Variants in RNF144A observed in about 807,000 individuals in gnomAD.
The protein encoded by RNF144A is ring finger protein 144A.
Under a neutral mutation model 38.7 loss-of-function variants are expected in RNF144A, and 11 were observed. The ratio of observed to expected loss-of-function variants is 0.28; its 90% CI spans 0.18 to 0.47. RNF144A has a LOEUF of 0.47. Ranked by LOEUF, RNF144A falls within the 20% of genes least tolerant of loss-of-function variation. RNF144A has a pLI of 0.99. For missense variants in RNF144A, 316 were observed against 377.2 expected (o/e 0.84, Z 1.34); for synonymous variants, 149 against 143.9 (o/e 1.04, Z -0.25).
At chr2:6,983,821 A>G (rs755625974) in intron 2 of RNF144A, among the ~76,000 whole-genome samples, 5 of 152,114 alleles carry the variant, frequency 3.3e-5, no homozygotes, top group Admixed American at 6.5e-5. Context: ...TCCTCCCCAG[A>G]TGTCTCAGAT....
At chr2:7,029,229 C>A (rs961728705) in intron 7 of RNF144A, among the ~76,000 whole-genome samples, 3 of 152,250 alleles carry the variant, frequency 2.0e-5, no homozygotes, top group Non-Finnish European at 4.4e-5. Flanking sequence ...CTCCGTGGCA[C>A]CATGTGCCTC....
chr2:7,025,603 C>T (rs377404125), intron 7 of RNF144A, among the ~76,000 whole-genome samples: 2 of 152,036 alleles, frequency 1.3e-5, no homozygotes, highest in Admixed American at 6.6e-5. Context: ...ACCTGGGAGG[C>T]GCAGGTTGCA....
At chr2:6,982,332 C>A (rs1306790875) in intron 2 of RNF144A, among the ~76,000 whole-genome samples, 1 of 152,090 alleles carries the variant, frequency 6.6e-6, no homozygotes, top group Non-Finnish European at 1.5e-5. Context: ...TACATGGGGA[C>A]TTCTTTATTT....
At chr2:6,970,366 C>T (rs771828611) in intron 2 of RNF144A, among the ~76,000 whole-genome samples, 29 of 152,292 alleles carry the variant, frequency 1.9e-4, no homozygotes, top group Non-Finnish European at 4.1e-4. Flanking sequence ...CTGCCATCCA[C>T]GTACAATGTG....
chr2:7,036,127 G>A (rs1293163187), intron 8 of RNF144A, among the ~76,000 whole-genome samples: 2 of 152,198 alleles, frequency 1.3e-5, no homozygotes, highest in Non-Finnish European at 2.9e-5. Flanking sequence ...CTGTGCACAC[G>A]ATTGCATGAA....
chr2:6,932,227 CT>C (rs1265400566), intron 1 of RNF144A, among the ~76,000 whole-genome samples: 1 of 152,152 alleles, frequency 6.6e-6, no homozygotes, highest in African/African-American at 2.4e-5. Context: ...ATTAACATAG[CT>C]AGTCCAGCTT....
chr2:7,051,175 G>A (rs1289747124), intron 6 of RNF144A, among the ~76,000 whole-genome samples: 1 of 152,166 alleles, frequency 6.6e-6, no homozygotes, highest in African/African-American at 2.4e-5. Flanking sequence ...TTGGGGTCGG[G>A]GATGGAGAGA....
intron 1 of RNF144A, among the ~76,000 whole-genome samples, chr2:6,924,005 A>G (rs1036007539): frequency 6.6e-6 from 1 of 152,242 alleles, no homozygotes; most frequent in African/African-American, 2.4e-5. Context: ...AACCTGGTTC[A>G]AGAGGGAAGC....
the RNF144A span, among the ~76,000 whole-genome samples, chr2:7,073,786 C>T: frequency 6.6e-6 from 1 of 152,208 alleles, no homozygotes; most frequent in Non-Finnish European, 1.5e-5. Context: ...ATAAATTGGT[C>T]CTTGTAGGGT....
Position 6,926,892 on chromosome 2 carries a change from A to C in RNF144A, c.-212+9270A>C, listed in dbSNP as rs546216573. Among the ~76,000 whole-genome samples, 24 of 152,288 alleles carry C rather than the reference A, an allele frequency of 1.6e-4. No homozygotes were observed. In the South Asian group the frequency reaches 4.8e-3, roughly 30 times the overall value. On this transcript the variant is annotated intron_variant, in intron 1 of 8. Transcript: ENST00000320892. ...GGGATTCAAAGACACATTGAGGACT[A>C]TATAGTGAAGGTGAGGACTTGCAGA... is the stretch of plus-strand genomic sequence containing the variant.
At chr2:7,048,571 G>A (rs1673400251), downstream of RNF144A, among the ~76,000 whole-genome samples, 1 of 152,208 alleles carries the variant, frequency 6.6e-6, no homozygotes, top group Non-Finnish European at 1.5e-5. Flanking sequence ...TGGGCCAACA[G>A]TGCTCAGAGG....
intron 3 of RNF144A, among the ~76,000 whole-genome samples, chr2:7,011,863 T>C (rs1309741809): frequency 6.6e-6 from 1 of 152,200 alleles, no homozygotes; most frequent in Non-Finnish European, 1.5e-5. Flanking sequence ...TCTCTCTTTA[T>C]GTAGTGAACA....
At position 7,043,601 on chromosome 2, in the gene RNF144A, T is replaced by C. The variant is rs1011221265; in HGVS notation, c.*3841T>C. The C allele has an allele frequency of 1.2e-5, 12 of 985,598 alleles. No homozygotes were observed. The African/African-American group carries it at 2.1e-4, about 17-fold the overall frequency. 61.1% of individuals were successfully genotyped at this position (985,598 alleles called of 1,614,324 possible). A position where few individuals can be genotyped will look rare whatever the true frequency, so the allele number is the denominator to read the frequency against. ...TAAGCCCTTATGAAAATAAACAAAATGAAGGGATTATGACAGGTATTACCA... is the reference window on the plus strand; with the variant it reads ...TAAGCCCTTATGAAAATAAACAAAACGAAGGGATTATGACAGGTATTACCA... On this transcript the variant is annotated 3_prime_UTR_variant, in exon 9 of 9. Coordinates refer to ENST00000320892, the MANE Select transcript of RNF144A (RefSeq NM_014746.6).
At chr2:7,017,620 C>A (rs1335556377) in intron 5 of RNF144A, among the ~76,000 whole-genome samples, 1 of 152,198 alleles carries the variant, frequency 6.6e-6, no homozygotes, top group African/African-American at 2.4e-5. Flanking sequence ...TCTTAAGAGA[C>A]CTGCTTCATT....
At chr2:7,012,239 G>A (rs1295313238) in intron 3 of RNF144A, among the ~76,000 whole-genome samples, 5 of 152,164 alleles carry the variant, frequency 3.3e-5, no homozygotes, top group African/African-American at 4.8e-5. Context: ...GACAAATCAC[G>A]TAAGTAGACA....
chr2:7,035,042 C>T (rs1183879954), intron 8 of RNF144A, among the ~76,000 whole-genome samples: 1 of 152,236 alleles, frequency 6.6e-6, no homozygotes, highest in African/African-American at 2.4e-5. Context: ...CTTGGTCCTC[C>T]ACATTTGGCC....
intron 2 of RNF144A, among the ~76,000 whole-genome samples, chr2:6,974,781 T>G (rs553682741): frequency 6.6e-6 from 1 of 152,304 alleles, no homozygotes; most frequent in South Asian, 2.1e-4. Context: ...AAGAGACATG[T>G]AGGGGAGCTG....
chr2:6,988,368 A>G (rs1392429151), intron 2 of RNF144A, among the ~76,000 whole-genome samples: 3 of 152,040 alleles, frequency 2.0e-5, no homozygotes, highest in Non-Finnish European at 1.5e-5. Flanking sequence ...TTCTGTTCCA[A>G]GTTCTCTCAT....
rs1673129019 is a variant in RNF144A, at chr2:7,042,838, A to C, written c.*3078A>C. 2 of 985,298 alleles carry C rather than the reference A, an allele frequency of 2.0e-6. No homozygotes were observed. The highest frequency in any genetic ancestry group is 2.4e-6 in the Non-Finnish European group (2 of 829,936). 61.0% of individuals were successfully genotyped at this position (985,298 alleles called of 1,614,324 possible). A position where few individuals can be genotyped will look rare whatever the true frequency, so the allele number is the denominator to read the frequency against. Reference sequence around the variant, plus strand: ...CATAGGAGTAGCTGTGGACAGAGGAACCAACATCTGCCACCTCTGGCATTT... The same window carrying C: ...CATAGGAGTAGCTGTGGACAGAGGACCCAACATCTGCCACCTCTGGCATTT... On this transcript the variant is annotated 3_prime_UTR_variant, in exon 9 of 9. Transcript: ENST00000320892.
Sources: allele counts gnomAD v4.1 joint callset (sites outside exome capture counted in the v4.1 genomes callset), GRCh38; gene constraint gnomAD v4.1.1; transcripts MANE v1.5; gene names NCBI Gene and HGNC (gene_info 2026-07-23, HGNC 2026-07-21).